The following RUNX2 variants were observed in gnomAD, a reference collection of about 807,000 sequenced individuals.
RUNX2 encodes the protein RUNX family transcription factor 2, also known as runt-related transcription factor 2.
In RUNX2, 10 loss-of-function variants were observed where a neutral mutation model predicts 51.7. The observed-to-expected ratio is 0.19, with a 90% confidence interval of 0.12 to 0.33. RUNX2 has a LOEUF of 0.33. RUNX2 is among the 10% of genes least tolerant of loss of function. The probability of loss-of-function intolerance (pLI) is 1.00; values close to 1 mark genes in which losing one functional copy is unlikely to be tolerated. For missense variants in RUNX2, 562 were observed against 691.3 expected, an observed-to-expected ratio of 0.81 and a Z score of 2.10; for synonymous variants, 276 against 273.6, an observed-to-expected ratio of 1.01 and a Z score of -0.09.
chr6:45,536,581 T>C (rs1802041411), intron 7 of RUNX2, among the ~76,000 whole-genome samples: 1 of 152,114 alleles, frequency 6.6e-6, no homozygotes, highest in Non-Finnish European at 1.5e-5. Flanking sequence ...TTGAAAAAAA[T>C]AGTGCCCCCA....
chr6:45,329,058 T>A (rs913602323), intron 2 of RUNX2, among the ~76,000 whole-genome samples: 9 of 151,988 alleles, frequency 5.9e-5, no homozygotes, highest in African/African-American at 2.2e-4. Context: ...GGTGAGGATA[T>A]GAAAACAGTA....
intron 2 of RUNX2, among the ~76,000 whole-genome samples, chr6:45,419,245 A>T (rs1798124531): frequency 6.6e-6 from 1 of 152,176 alleles, no homozygotes; most frequent in African/African-American, 2.4e-5. Context: ...ATCCCAGAGA[A>T]GGTGGCATAT....
chr6:45,471,924 G>A (rs1799816003), intron 5 of RUNX2, among the ~76,000 whole-genome samples: 1 of 151,986 alleles, frequency 6.6e-6, no homozygotes, highest in Non-Finnish European at 1.5e-5. Flanking sequence ...CTTTGATAGA[G>A]CCCTGTTTTT....
intron 5 of RUNX2, among the ~76,000 whole-genome samples, chr6:45,461,600 A>G (rs73737423): frequency 3.7e-3 from 563 of 152,332 alleles, no homozygotes; most frequent in African/African-American, 0.013. Context: ...AAGTCAATCG[A>G]CAAGAATATT....
At position 45,439,272 on chromosome 6, in the gene RUNX2, G is replaced by C. The variant is rs550277681; in HGVS notation, c.685+1221G>C. ...GGCATTCTTCCAGGTTCATAATGTT[G>C]AGTCAGTGCTGGCCCTGTCTGTTCA... On this transcript the variant is annotated intron_variant, in intron 5 of 8. Transcript: ENST00000647337. 6.6e-5 allele frequency among the ~76,000 whole-genome samples: 10 copies of C among 152,290 alleles called. No individual in the cohort carries two copies. In the South Asian group the frequency reaches 1.9e-3, roughly 28 times the overall value.
chr6:45,512,393 C>T lies in RUNX2; in HGVS notation c.1007C>T (p.Pro336Leu), dbSNP rs1366398692. ...GGGCTTCCTGCCATCACCGATGTGC[C>T]TAGGCGCATTTCAGGTAAAGACCGT... Reference protein sequence around the residue: ...GTGLPAITDVPRRISDDDTAT... With the variant: ...GTGLPAITDVLRRISDDDTAT... Residue 336 changes from proline to leucine, a missense_variant, in exon 7 of 9, where the codon CCT becomes CTT. This residue lies in a region of RUNX2 where 304 missense variants were observed against 353.2 expected (regional missense o/e 0.86). Transcript: ENST00000647337. The T allele has an allele frequency of 9.9e-6, 16 of 1,613,902 alleles. No individual in the cohort carries two copies. The highest frequency in any genetic ancestry group is 1.2e-5 in the Non-Finnish European group (14 of 1,180,008).
At chr6:45,409,183 A>G (rs1361482295) in intron 2 of RUNX2, among the ~76,000 whole-genome samples, 2 of 152,210 alleles carry the variant, frequency 1.3e-5, no homozygotes, top group Non-Finnish European at 2.9e-5. Flanking sequence ...GAACACCACC[A>G]ATATTGGAAT....
intron 5 of RUNX2, among the ~76,000 whole-genome samples, chr6:45,488,826 C>A (rs1582165287): frequency 6.6e-6 from 1 of 152,170 alleles, no homozygotes; most frequent in Non-Finnish European, 1.5e-5. Context: ...AACATCTACT[C>A]GTTGGCCCGT....
intron 2 of RUNX2, among the ~76,000 whole-genome samples, chr6:45,385,051 T>C (rs890830415): frequency 1.1e-4 from 16 of 152,178 alleles, no homozygotes; most frequent in Admixed American, 9.8e-4. Context: ...AATTATTCTT[T>C]TAACAGACAT....
At chr6:45,405,276 G>GCAAAT (rs1472191461) in intron 2 of RUNX2, among the ~76,000 whole-genome samples, 6 of 152,190 alleles carry the variant, frequency 3.9e-5, no homozygotes, top group Non-Finnish European at 8.8e-5. Flanking sequence ...ACTTCCGGCA[G>GCAAAT]CAAATATCAT....
intron 2 of RUNX2, among the ~76,000 whole-genome samples, chr6:45,351,630 G>GT (rs1792076406): frequency 1.3e-5 from 2 of 151,952 alleles, no homozygotes; most frequent in Non-Finnish European, 2.9e-5. Flanking sequence ...ACTCTACCTA[G>GT]TTTTATACTT....
At chr6:45,386,843 C>A (rs887173846) in intron 2 of RUNX2, among the ~76,000 whole-genome samples, 1 of 152,046 alleles carries the variant, frequency 6.6e-6, no homozygotes, top group African/African-American at 2.4e-5. Flanking sequence ...TGACAGGAGC[C>A]AGATCAAATA....
intron 7 of RUNX2, among the ~76,000 whole-genome samples, chr6:45,538,765 T>C (rs1209904790): frequency 1.3e-5 from 2 of 152,076 alleles, no homozygotes; most frequent in Non-Finnish European, 2.9e-5. Context: ...TGAAAGTGTT[T>C]CCATATGTGT....
intron 5 of RUNX2, among the ~76,000 whole-genome samples, chr6:45,439,007 A>C (rs1403766776): frequency 6.6e-6 from 1 of 152,128 alleles, no homozygotes; most frequent in Non-Finnish European, 1.5e-5. Context: ...ATAACAATCA[A>C]CCTGCATAGA....
intron 2 of RUNX2, among the ~76,000 whole-genome samples, chr6:45,403,595 C>T (rs1301473286): frequency 6.6e-6 from 1 of 152,106 alleles, no homozygotes; most frequent in Non-Finnish European, 1.5e-5. Flanking sequence ...TAGATGTAGT[C>T]TATTCAAGGA....
chr6:45,512,543 A>G (rs1178591514), intron 7 of RUNX2, 136 bp downstream of exon 7: 1 of 931,928 alleles, frequency 1.1e-6, no homozygotes, highest in African/African-American at 1.6e-5. Flanking sequence ...CAACTGGCAA[A>G]TTAAATCTTC....
At chr6:45,525,581 G>A (rs1192281362) in intron 7 of RUNX2, among the ~76,000 whole-genome samples, 1 of 152,206 alleles carries the variant, frequency 6.6e-6, no homozygotes, top group Non-Finnish European at 1.5e-5. Context: ...CGTGAACTGA[G>A]TTAATTGGGC....
intron 6 of RUNX2, among the ~76,000 whole-genome samples, chr6:45,506,656 T>TTTGTTG (rs555930953): frequency 6.6e-6 from 1 of 152,030 alleles, no homozygotes; most frequent in Non-Finnish European, 1.5e-5. Flanking sequence ...CAACAACAGT[T>TTTGTTG]TTGTTGTTGT....
intron 2 of RUNX2, among the ~76,000 whole-genome samples, chr6:45,405,989 A>G (rs1053435443): frequency 6.6e-6 from 1 of 152,228 alleles, no homozygotes; most frequent in African/African-American, 2.4e-5. Flanking sequence ...TGTCAGGAGA[A>G]TAAGAGTTTA....
Sources: allele counts gnomAD v4.1 joint callset (sites outside exome capture counted in the v4.1 genomes callset), GRCh38; gene constraint gnomAD v4.1.1; regional missense constraint gnomAD v4.1.1; transcripts MANE v1.5; gene names NCBI Gene and HGNC (gene_info 2026-07-23, HGNC 2026-07-21).